The following PARD6G variants were observed in gnomAD, a reference collection of about 807,000 sequenced individuals.
The protein encoded by PARD6G is partitioning defective 6 homolog gamma.
A neutral mutation model predicts 10.7 loss-of-function variants in PARD6G; 7 were observed. The observed-to-expected ratio is 0.66, with a 90% CI of 0.37 to 1.23. The LOEUF is 1.23. PARD6G is among the 50% of genes most tolerant of loss of function. The pLI is 0.02. For synonymous variants in PARD6G, 287 were observed against 269.4 expected (o/e 1.07, Z -0.64); for missense variants, 548 against 571.8 (o/e 0.96, Z 0.42).
At chr18:80,197,160 T>C (rs954282661) in intron 2 of PARD6G, among the ~76,000 whole-genome samples, 15 of 152,146 alleles carry the variant, frequency 9.9e-5, no homozygotes, top group African/African-American at 3.1e-4. Flanking sequence ...AATGCAGAAA[T>C]TGAATTCTGA....
chr18:80,247,426 AGGCCCC>A lies in PARD6G; in HGVS notation c.-84_-79del, dbSNP rs923717893. On this transcript the variant is annotated 5_prime_UTR_variant, in exon 1 of 3. Coordinates refer to ENST00000353265, the MANE Select transcript of PARD6G (RefSeq NM_032510.4). The surrounding 1 kb of genome is among the most constrained non-coding windows in gnomAD (Gnocchi z 4.2). ...AAAGACTCCCGGGGGCGGCGCCCCCAGGCCCCGGCCCCGGCCCCGGCCCGCGCTCGC... is the reference window on the plus strand; with the variant it reads ...AAAGACTCCCGGGGGCGGCGCCCCCAGGCCCCGGCCCCGGCCCGCGCTCGC... 117 of 1,214,616 alleles carry A rather than the reference AGGCCCC, an allele frequency of 9.6e-5. No homozygotes were observed. The highest frequency in any genetic ancestry group is 1.3e-4 in the East Asian group (4 of 31,238). 75.2% of individuals were successfully genotyped at this position (1,214,616 alleles called of 1,614,324 possible).
chr18:80,207,762 A>G (rs1967067392), intron 1 of PARD6G, among the ~76,000 whole-genome samples: 1 of 152,238 alleles, frequency 6.6e-6, no homozygotes, highest in South Asian at 2.1e-4. Flanking sequence ...TTTAACAAAT[A>G]GAGCCCCAGG....
chr18:80,172,033 C>T (rs2052780581), intron 2 of PARD6G, among the ~76,000 whole-genome samples: 1 of 152,196 alleles, frequency 6.6e-6, no homozygotes, highest in Admixed American at 6.5e-5. Context: ...TGTGTGGACA[C>T]GTTTTCCCTT....
chr18:80,175,613 C>T lies in PARD6G; in HGVS notation c.296-15007G>A, dbSNP rs954548536. On this transcript the variant is annotated intron_variant, in intron 2 of 2. Coordinates refer to ENST00000353265, the MANE Select transcript of PARD6G (RefSeq NM_032510.4). The surrounding 1 kb of genome is among the most constrained non-coding windows in gnomAD (Gnocchi z 6.7). Reference sequence around the variant, plus strand: ...GGTGACGTATCGATTCAGTGCACTACGCACACTGTTCCGTAATTGTTCTCT... The same window carrying T: ...GGTGACGTATCGATTCAGTGCACTATGCACACTGTTCCGTAATTGTTCTCT... Among the ~76,000 whole-genome samples the T allele has an allele frequency of 2.6e-5, 4 of 152,210 alleles. No individual in the cohort carries two copies. The highest frequency in any genetic ancestry group is 4.4e-5 in the Non-Finnish European group (3 of 68,038).
chr18:80,198,866 AGTCCTTTCT>A (rs1966982135), intron 2 of PARD6G, among the ~76,000 whole-genome samples: 1 of 152,208 alleles, frequency 6.6e-6, no homozygotes, highest in Non-Finnish European at 1.5e-5. Flanking sequence ...TAAGGTAGAC[AGTCCTTTCT>A]ATTTTTAACA....
At chr18:80,233,323 C>T (rs187061011) in intron 1 of PARD6G, among the ~76,000 whole-genome samples, 11 of 152,274 alleles carry the variant, frequency 7.2e-5, no homozygotes, top group African/African-American at 2.6e-4. Flanking sequence ...TGACTGGAAC[C>T]GGCGGGTCTC....
At chr18:80,190,697 G>C (rs181356639) in intron 2 of PARD6G, among the ~76,000 whole-genome samples, 20 of 152,290 alleles carry the variant, frequency 1.3e-4, no homozygotes, top group Non-Finnish European at 1.3e-4. Context: ...AGGTATTGGA[G>C]ACCATGGATT....
rs1967318316 is a variant in PARD6G at position 80,228,299 on chromosome 18, T to A, written c.72+18978A>T. Among the ~76,000 whole-genome samples the A allele has an allele frequency of 6.7e-6, 1 of 149,570 alleles. No homozygotes were observed. Among genetic ancestry groups the A allele is most frequent in the East Asian group, 2.0e-4 (1 of 5,102 alleles). On this transcript the variant is annotated intron_variant, in intron 1 of 2. Transcript: ENST00000353265. This position sits in a 1 kb window ranked among gnomAD's most constrained non-coding sequence, Gnocchi z 4.6. ...GCCGCCATGGGGAGGTGAGGGGAGG[T>A]GAGCGGAGGGGAGGCCAGGGGAGGG...
At chr18:80,195,572 T>TATAC (rs894731117) in intron 2 of PARD6G, among the ~76,000 whole-genome samples, 23 of 87,312 alleles carry the variant, frequency 2.6e-4, no homozygotes, top group East Asian at 8.3e-4. Context: ...TATATATATA[T>TATAC]ACACACATTT....
At position 80,200,095 on chromosome 18, in the gene PARD6G, C is replaced by T. The variant is rs1289766996; in HGVS notation, c.295+2615G>A. Among the ~76,000 whole-genome samples the T allele has an allele frequency of 3.3e-5, 5 of 152,202 alleles. No homozygotes were observed. Among genetic ancestry groups the T allele is most frequent in the African/African-American group, 1.2e-4 (5 of 41,504 alleles). On this transcript the variant is annotated intron_variant, in intron 2 of 2. Transcript: ENST00000353265. This position sits in a 1 kb window ranked among gnomAD's most constrained non-coding sequence, Gnocchi z 4.4. ...GTACAGAAAGTTATTAAGTAAATGA[C>T]ACAGTGGGTACGGCTGCAGTAGAAT...
chr18:80,247,115 G>C lies in PARD6G; in HGVS notation c.72+162C>G, dbSNP rs962468108. 6.6e-6 allele frequency among the ~76,000 whole-genome samples: 1 copy of C among 152,072 alleles called. No homozygotes were observed. The highest frequency in any genetic ancestry group is 1.5e-5 in the Non-Finnish European group (1 of 67,976). ...CGCGGGGGGCGGGAAGGACGGCCGG[G>C]GTCCCCAGTGCGCGTCCCGCGGAGC... On this transcript the variant is annotated intron_variant, in intron 1 of 2. Transcript: ENST00000353265. This position sits in a 1 kb window ranked among gnomAD's most constrained non-coding sequence, Gnocchi z 4.2.
At chr18:80,225,416 C>T (rs77798810) in intron 1 of PARD6G, among the ~76,000 whole-genome samples, 3,595 of 152,142 alleles carry the variant, frequency 0.024, 130 homozygotes, top group African/African-American at 0.082. Context: ...GCATGAGATG[C>T]ACATACATGA....
intron 2 of PARD6G, among the ~76,000 whole-genome samples, chr18:80,195,406 C>T (rs933026993): frequency 1.3e-5 from 2 of 151,500 alleles, no homozygotes; most frequent in East Asian, 3.9e-4. Flanking sequence ...TGTACCTGGC[C>T]CCCCTCGGTG....
At position 80,190,109 on chromosome 18, in the gene PARD6G, G is replaced by A. The variant is rs117570985; in HGVS notation, c.295+12601C>T. ...ATTCGTACAACTTACAAGCAAAAGT[G>A]AGCACAGATTCTTAATCTCTCCTTT... On this transcript the variant is annotated intron_variant, in intron 2 of 2. Coordinates refer to ENST00000353265, the MANE Select transcript of PARD6G (RefSeq NM_032510.4). 7.0e-4 allele frequency among the ~76,000 whole-genome samples: 107 copies of A among 152,246 alleles called. 1 individual carries two copies. The East Asian group carries it at 0.02, about 28-fold the overall frequency.
chr18:80,235,967 T>C (rs1967417108), intron 1 of PARD6G, among the ~76,000 whole-genome samples: 2 of 152,026 alleles, frequency 1.3e-5, no homozygotes, highest in African/African-American at 4.8e-5. Context: ...TTCCAATCAA[T>C]AGAAAAAGAG....
At chr18:80,162,900 C>T (rs1490953401) in intron 2 of PARD6G, among the ~76,000 whole-genome samples, 1 of 152,142 alleles carries the variant, frequency 6.6e-6, no homozygotes, top group African/African-American at 2.4e-5. Flanking sequence ...CAGGTTTGGA[C>T]TAACCAAGGG....
chr18:80,168,885 C>T (rs2052754918), intron 2 of PARD6G: 1 of 168,910 alleles, frequency 5.9e-6, no homozygotes, highest in African/African-American at 2.4e-5. Flanking sequence ...AGTTTTCAAA[C>T]TAAAGATTTT....
At chr18:80,194,197 A>C (rs1224673561) in intron 2 of PARD6G, among the ~76,000 whole-genome samples, 1 of 152,200 alleles carries the variant, frequency 6.6e-6, no homozygotes, top group Non-Finnish European at 1.5e-5. Flanking sequence ...ACAGAAAACA[A>C]CACGGCCTTA....
chr18:80,194,031 T>G (rs1966926454), intron 2 of PARD6G, among the ~76,000 whole-genome samples: 1 of 152,230 alleles, frequency 6.6e-6, no homozygotes, highest in Non-Finnish European at 1.5e-5. Context: ...GAAACTGCTG[T>G]GCAAGAGGAA....
Sources: gnomAD v4.1 joint callset for allele counts (sites outside exome capture counted in the v4.1 genomes callset) on GRCh38, gnomAD v4.1.1 for gene constraint, Gnocchi (gnomAD v3.1) non-coding constraint, MANE v1.5 for transcripts, NCBI Gene and HGNC (gene_info 2026-07-23, HGNC 2026-07-21) for gene names.